Variants in TMEM108 observed in about 807,000 individuals in gnomAD.
TMEM108 encodes the protein cancer/testis antigen 124.
In TMEM108, 12 loss-of-function variants were observed where a neutral mutation model predicts 35.1. The observed-to-expected ratio is 0.34, with a 90% CI of 0.22 to 0.55. TMEM108 has a LOEUF of 0.55. TMEM108 is among the 20% of genes least tolerant of loss of function. The pLI, the probability that TMEM108 is intolerant of heterozygous loss-of-function variation, is 0.89. For missense variants in TMEM108, 680 were observed against 753.3 expected (o/e 0.90, Z 1.14); for synonymous variants, 287 against 308.6 (o/e 0.93, Z 0.73).
intron 3 of TMEM108, among the ~76,000 whole-genome samples, chr3:133,305,167 T>A (rs1232704926): frequency 6.6e-6 from 1 of 151,596 alleles, no homozygotes; most frequent in Non-Finnish European, 1.5e-5. Context: ...ATATACACCA[T>A]GGAATACTAT....
chr3:133,250,561 A>AGG (rs1307691956), intron 3 of TMEM108, among the ~76,000 whole-genome samples: 1 of 152,234 alleles, frequency 6.6e-6, no homozygotes, highest in Non-Finnish European at 1.5e-5. Flanking sequence ...TCAACTGTGC[A>AGG]GGGGGTTTGC....
chr3:133,332,130 T>G (rs1487004728), intron 3 of TMEM108, among the ~76,000 whole-genome samples: 1 of 152,004 alleles, frequency 6.6e-6, no homozygotes, highest in Non-Finnish European at 1.5e-5. Flanking sequence ...CTAGACACTC[T>G]CTAAGTTTAG....
intron 2 of TMEM108, among the ~76,000 whole-genome samples, chr3:133,168,101 A>C (rs1252412650): frequency 6.6e-6 from 1 of 152,156 alleles, no homozygotes; most frequent in Non-Finnish European, 1.5e-5. Context: ...TCTAAACTGA[A>C]AAAGGGAAGG....
intron 3 of TMEM108, among the ~76,000 whole-genome samples, chr3:133,364,623 A>G (rs1018175922): frequency 1.3e-5 from 2 of 152,240 alleles, no homozygotes; most frequent in African/African-American, 4.8e-5. Context: ...TGGAAGGAGT[A>G]CATGAAGGAA....
chr3:133,356,391 G>C (rs2887734), intron 3 of TMEM108, among the ~76,000 whole-genome samples: 1 of 152,006 alleles, frequency 6.6e-6, no homozygotes, highest in South Asian at 2.1e-4. Context: ...AAAATGACCA[G>C]ACTGCCAAAA....
intron 2 of TMEM108, among the ~76,000 whole-genome samples, chr3:133,100,771 T>C (rs62280290): frequency 0.096 from 14,609 of 152,304 alleles, 893 homozygotes; most frequent in Admixed American, 0.17. Context: ...AAAAATCTTT[T>C]CTGATTATAG....
At chr3:133,393,859 T>TGGCACAG (rs1174792695) in intron 5 of TMEM108, among the ~76,000 whole-genome samples, 3 of 152,244 alleles carry the variant, frequency 2.0e-5, no homozygotes, top group Non-Finnish European at 2.9e-5. Context: ...GTTAGTCATT[T>TGGCACAG]GGCACAGAGC....
rs184012445 is a variant in TMEM108, at chr3:133,068,788, G to A, written c.-47+22768G>A. Reference sequence around the variant, plus strand: ...GAAGTTGTTCATAATCATTTGGGGTGGTGAAGCACATAAGAAAACCGTTAG... The same window carrying A: ...GAAGTTGTTCATAATCATTTGGGGTAGTGAAGCACATAAGAAAACCGTTAG... On this transcript the variant is annotated intron_variant, in intron 2 of 5. Transcript: ENST00000321871. Among the ~76,000 whole-genome samples, 3 of 152,186 alleles carry A rather than the reference G, an allele frequency of 2.0e-5. 1 individual carries two copies. The highest frequency in any genetic ancestry group is 2.0e-4 in the Admixed American group (3 of 15,268).
chr3:133,139,521 A>G (rs1306370427), intron 2 of TMEM108, among the ~76,000 whole-genome samples: 1 of 152,242 alleles, frequency 6.6e-6, no homozygotes, highest in Non-Finnish European at 1.5e-5. Context: ...AAGTGAATTC[A>G]GTTATCATTT....
At chr3:133,099,649 A>G (rs1281882158) in intron 2 of TMEM108, among the ~76,000 whole-genome samples, 2 of 152,132 alleles carry the variant, frequency 1.3e-5, no homozygotes, top group African/African-American at 2.4e-5. Context: ...ACCCTAAATC[A>G]TCTCTCTCAA....
At chr3:133,330,693 G>T (rs1033942448) in intron 3 of TMEM108, among the ~76,000 whole-genome samples, 1 of 152,064 alleles carries the variant, frequency 6.6e-6, no homozygotes, top group Non-Finnish European at 1.5e-5. Flanking sequence ...TCTAGACAAT[G>T]GAGCCAGCTT....
chr3:133,376,643 T>G (rs2072848920), intron 3 of TMEM108, among the ~76,000 whole-genome samples: 1 of 152,090 alleles, frequency 6.6e-6, no homozygotes, highest in Non-Finnish European at 1.5e-5. Flanking sequence ...GGCAGACAAT[T>G]TGAGGTGCAG....
At chr3:133,249,608 G>A (rs373094636) in intron 3 of TMEM108, among the ~76,000 whole-genome samples, 3 of 152,268 alleles carry the variant, frequency 2.0e-5, no homozygotes. Context: ...ATAGCCTGTA[G>A]CTCCATCCAT....
chr3:133,275,674 C>T (rs180708030), intron 3 of TMEM108, among the ~76,000 whole-genome samples: 6 of 152,084 alleles, frequency 3.9e-5, no homozygotes, highest in African/African-American at 1.4e-4. Flanking sequence ...ATTAATACCC[C>T]AGGGGGATCT....
chr3:133,127,472 C>G (rs1333589891), intron 2 of TMEM108, among the ~76,000 whole-genome samples: 1 of 152,106 alleles, frequency 6.6e-6, no homozygotes, highest in Non-Finnish European at 1.5e-5. Flanking sequence ...GAACCACAGA[C>G]AAAGAGTTGA....
At chr3:133,264,494 C>T (rs1946669959) in intron 3 of TMEM108, among the ~76,000 whole-genome samples, 1 of 152,218 alleles carries the variant, frequency 6.6e-6, no homozygotes, top group Non-Finnish European at 1.5e-5. Context: ...AAGAAGCCAA[C>T]TAACTTGGGA....
chr3:133,214,790 G>A (rs1473655175), intron 2 of TMEM108, among the ~76,000 whole-genome samples: 59 of 152,118 alleles, frequency 3.9e-4, no homozygotes. Flanking sequence ...TCCACCTCCT[G>A]TCAGATCAGT....
At chr3:133,226,690 TG>T (rs1055383793) in intron 2 of TMEM108, among the ~76,000 whole-genome samples, 2 of 152,230 alleles carry the variant, frequency 1.3e-5, no homozygotes, top group Non-Finnish European at 2.9e-5. Flanking sequence ...TTCAGTCAGT[TG>T]GGGTGCTTAG....
chr3:133,066,760 C>A (rs182776373), intron 2 of TMEM108, among the ~76,000 whole-genome samples: 22 of 152,254 alleles, frequency 1.4e-4, no homozygotes, highest in Admixed American at 3.9e-4. Context: ...TAAAACATAA[C>A]CACTGCCTTT....
Sources: allele counts gnomAD v4.1 joint callset (sites outside exome capture counted in the v4.1 genomes callset), GRCh38; gene constraint gnomAD v4.1.1; transcripts MANE v1.5; gene names NCBI Gene and HGNC (gene_info 2026-07-23, HGNC 2026-07-21).